AGPAT4: variants seen among roughly 807,000 people sequenced by gnomAD.
The protein encoded by AGPAT4 is 1-acyl-sn-glycerol-3-phosphate acyltransferase delta.
A neutral mutation model predicts 48.0 loss-of-function variants in AGPAT4; 15 were observed. The observed-to-expected ratio is 0.31, with a 90% CI of 0.21 to 0.48. The LOEUF (loss-of-function observed/expected upper bound fraction) is 0.48. Ranked by LOEUF, AGPAT4 falls within the 20% of genes least tolerant of loss-of-function variation. AGPAT4 has a pLI of 0.99. For missense variants in AGPAT4, 314 were observed against 482.5 expected (o/e 0.65, Z 3.27); for synonymous variants, 178 against 198.7 (o/e 0.90, Z 0.88).
At position 161,149,318 on chromosome 6, in the gene AGPAT4, G is replaced by A. The variant is rs771063067; in HGVS notation, c.665-29C>T. The A allele has an allele frequency of 3.2e-6, 5 of 1,579,976 alleles. No homozygotes were observed. In the East Asian group the frequency reaches 1.1e-4, roughly 35 times the overall value. On this transcript the variant is annotated intron_variant, in intron 5 of 8. Transcript: ENST00000320285. The surrounding 1 kb of genome is among the most constrained non-coding windows in gnomAD (Gnocchi z 6.5). ...TAAAAAATAAAACAAATACAAAGCA[G>A]TATATAGCGTGTGAACCCAATTTTG...
Position 161,210,915 on chromosome 6 carries a change from TA to T in AGPAT4, c.178+21120del, listed in dbSNP as rs1434131950. On this transcript the variant is annotated intron_variant, in intron 2 of 8. Coordinates refer to ENST00000320285, the MANE Select transcript of AGPAT4 (RefSeq NM_020133.3). ...AATTTAGTAAGATTACTGTAACTTC[TA>T]ATCTTGTGGCTTTAGGCAGTCTAGC... 2.6e-5 allele frequency among the ~76,000 whole-genome samples: 4 copies of T among 152,346 alleles called. No individual in the cohort carries two copies. In the East Asian group the frequency reaches 7.7e-4, roughly 29 times the overall value.
In AGPAT4 at chr6:161,146,860, A is replaced by G. The variant is rs1779447348; in HGVS notation, c.768-261T>C. Reference sequence around the variant, plus strand: ...GACAGATGCTGTGAGAACAGGGGACACCTGCCTCATTCCGTCTTCCCTCCC... The same window carrying G: ...GACAGATGCTGTGAGAACAGGGGACGCCTGCCTCATTCCGTCTTCCCTCCC... On this transcript the variant is annotated intron_variant, in intron 6 of 8. Coordinates refer to ENST00000320285, the MANE Select transcript of AGPAT4 (RefSeq NM_020133.3). The surrounding 1 kb of genome is among the most constrained non-coding windows in gnomAD (Gnocchi z 7.1). Among the ~76,000 whole-genome samples, 1 of 152,148 alleles carries G rather than the reference A, an allele frequency of 6.6e-6. No individual in the cohort carries two copies. The highest frequency in any genetic ancestry group is 2.4e-5 in the African/African-American group (1 of 41,438).
chr6:161,173,334 T>C (rs1780334347), intron 2 of AGPAT4, among the ~76,000 whole-genome samples: 1 of 152,248 alleles, frequency 6.6e-6, no homozygotes. Flanking sequence ...ATGATCGCCA[T>C]TCTAACTGAC....
Position 161,226,041 on chromosome 6 carries a change from C to T in AGPAT4, c.178+5995G>A, listed in dbSNP as rs1781972685. 6.6e-6 allele frequency among the ~76,000 whole-genome samples: 1 copy of T among 152,124 alleles called. No homozygotes were observed. The highest frequency in any genetic ancestry group is 1.5e-5 in the Non-Finnish European group (1 of 68,026). ...TCCACCTACAGCCGGTTACTGAACC[C>T]TCTTCTGGGAAGGCGATCACCATCT... On this transcript the variant is annotated intron_variant, in intron 2 of 8. Coordinates refer to ENST00000320285, the MANE Select transcript of AGPAT4 (RefSeq NM_020133.3). This position sits in a 1 kb window ranked among gnomAD's most constrained non-coding sequence, Gnocchi z 6.3.
In AGPAT4 at chr6:161,139,111, G is replaced by T. The variant is rs1017889039; in HGVS notation, c.1042+311C>A. Among the ~76,000 whole-genome samples the T allele has an allele frequency of 6.6e-6, 1 of 152,206 alleles. No individual in the cohort carries two copies. The highest frequency in any genetic ancestry group is 1.9e-4 in the East Asian group (1 of 5,184). On this transcript the variant is annotated intron_variant, in intron 8 of 8. Transcript: ENST00000320285. This position sits in a 1 kb window ranked among gnomAD's most constrained non-coding sequence, Gnocchi z 9.1. Reference sequence around the variant, plus strand: ...GATGCCAATGAGCAGAGCTGTCTGCGGAGGACAGGGAGGGAGCACTCCCAG... The same window carrying T: ...GATGCCAATGAGCAGAGCTGTCTGCTGAGGACAGGGAGGGAGCACTCCCAG...
rs1212967588 is a variant in AGPAT4, at chr6:161,208,887, T to A, written c.178+23149A>T. Among the ~76,000 whole-genome samples the A allele has an allele frequency of 6.6e-6, 1 of 152,130 alleles. No individual in the cohort carries two copies. Among genetic ancestry groups the A allele is most frequent in the African/African-American group, 2.4e-5 (1 of 41,436 alleles). ...CTAACAGGAAAAAAATCATTAATAA[T>A]CAGGTGAAACAATGTAATCAGAACT... On this transcript the variant is annotated intron_variant, in intron 2 of 8. Coordinates refer to ENST00000320285, the MANE Select transcript of AGPAT4 (RefSeq NM_020133.3). The surrounding 1 kb of genome is among the most constrained non-coding windows in gnomAD (Gnocchi z 4.6).
rs1447713709 is a variant in AGPAT4, at chr6:161,259,999, C to T, written c.-90+13939G>A. On this transcript the variant is annotated intron_variant, in intron 1 of 8. Coordinates refer to ENST00000320285, the MANE Select transcript of AGPAT4 (RefSeq NM_020133.3). The surrounding 1 kb of genome is among the most constrained non-coding windows in gnomAD (Gnocchi z 4.9). ...CACCTGGCGCTATACGTGTTTGGGG[C>T]TGGGGAGTCTCTGGAAGTGAACTGC... Among the ~76,000 whole-genome samples, 1 of 152,082 alleles carries T rather than the reference C, an allele frequency of 6.6e-6. No homozygotes were observed. Among genetic ancestry groups the T allele is most frequent in the African/African-American group, 2.4e-5 (1 of 41,434 alleles).
At position 161,234,155 on chromosome 6, in the gene AGPAT4, TC is replaced by T. The variant is rs1782202569; in HGVS notation, c.-89-1854del. Among the ~76,000 whole-genome samples the T allele has an allele frequency of 6.6e-6, 1 of 152,166 alleles. No individual in the cohort carries two copies. Among genetic ancestry groups the T allele is most frequent in the Non-Finnish European group, 1.5e-5 (1 of 68,026 alleles). Reference sequence around the variant, plus strand: ...ACAGCACAGCTTTGAGTGCAGTCACTCCTGGGTCATGCAGGTTGGCTCTGAG... The same window carrying T: ...ACAGCACAGCTTTGAGTGCAGTCACTCTGGGTCATGCAGGTTGGCTCTGAG... On this transcript the variant is annotated intron_variant, in intron 1 of 8. Coordinates refer to ENST00000320285, the MANE Select transcript of AGPAT4 (RefSeq NM_020133.3). The surrounding 1 kb of genome is among the most constrained non-coding windows in gnomAD (Gnocchi z 4.4).
At position 161,198,935 on chromosome 6, in the gene AGPAT4, T is replaced by C. The variant is rs980809802; in HGVS notation, c.179-32518A>G. On this transcript the variant is annotated intron_variant, in intron 2 of 8. Transcript: ENST00000320285. This position sits in a 1 kb window ranked among gnomAD's most constrained non-coding sequence, Gnocchi z 4.3. ...CTCAAATATATGTCAGAATTACTGCTGATATCGATTCCTTTTTTGAAGCCC... is the reference window on the plus strand; with the variant it reads ...CTCAAATATATGTCAGAATTACTGCCGATATCGATTCCTTTTTTGAAGCCC... 3.3e-5 allele frequency among the ~76,000 whole-genome samples: 5 copies of C among 152,194 alleles called. No individual in the cohort carries two copies. Among genetic ancestry groups the C allele is most frequent in the Non-Finnish European group, 7.3e-5 (5 of 68,030 alleles).
chr6:161,162,665 G>A (rs980373923), intron 3 of AGPAT4, among the ~76,000 whole-genome samples: 8 of 152,178 alleles, frequency 5.3e-5, no homozygotes, highest in African/African-American at 1.2e-4. Flanking sequence ...GTCTCATCAC[G>A]CTGCCATGGA....
rs371725250 is a variant in AGPAT4 at position 161,257,313 on chromosome 6, A to T, written c.-90+16625T>A. 3.3e-5 allele frequency among the ~76,000 whole-genome samples: 5 copies of T among 152,344 alleles called. No homozygotes were observed. In the East Asian group the frequency reaches 7.7e-4, roughly 23 times the overall value. ...CTCAAGCATATTATGCTAAATGAAC[A>T]GAGCCAGACACAGAACAATACATAG... On this transcript the variant is annotated intron_variant, in intron 1 of 8. Coordinates refer to ENST00000320285, the MANE Select transcript of AGPAT4 (RefSeq NM_020133.3).
At position 161,133,205 on chromosome 6, in the gene AGPAT4, C is replaced by T. The variant is rs927697086; in HGVS notation, c.*3335G>A. 6.6e-6 allele frequency: 1 copy of T among 152,240 alleles called. No homozygotes were observed. Among genetic ancestry groups the T allele is most frequent in the Non-Finnish European group, 1.5e-5 (1 of 68,060 alleles). The allele number at this position is 152,240 out of a possible 1,614,324, so 9.4% of individuals were successfully genotyped here. On this transcript the variant is annotated 3_prime_UTR_variant, in exon 9 of 9. Transcript: ENST00000320285. ...TTTTGCTTGGGGACCAGCCAGACCACTCCTCCACTCCAGTGGGGCCTTTTT... is the reference window on the plus strand; with the variant it reads ...TTTTGCTTGGGGACCAGCCAGACCATTCCTCCACTCCAGTGGGGCCTTTTT...
At chr6:161,250,615 A>G (rs956712917) in intron 1 of AGPAT4, among the ~76,000 whole-genome samples, 62 of 152,042 alleles carry the variant, frequency 4.1e-4, no homozygotes, top group African/African-American at 1.5e-3. Flanking sequence ...ATTTCTTTGC[A>G]ATATATTCCC....
rs1249488242 is a variant in AGPAT4 at position 161,270,862 on chromosome 6, G to T, written c.-90+3076C>A. ...CAGAATAAAGGAGACTGCACAAAAC[G>T]TGTGACATTTACCAAACCCTCATTT... On this transcript the variant is annotated intron_variant, in intron 1 of 8. Transcript: ENST00000320285. This position sits in a 1 kb window ranked among gnomAD's most constrained non-coding sequence, Gnocchi z 5.3. 6.6e-6 allele frequency among the ~76,000 whole-genome samples: 1 copy of T among 152,106 alleles called. No individual in the cohort carries two copies. The highest frequency in any genetic ancestry group is 1.5e-5 in the Non-Finnish European group (1 of 68,024).
At position 161,212,021 on chromosome 6, in the gene AGPAT4, T is replaced by C. The variant is rs1781535214; in HGVS notation, c.178+20015A>G. The stretch of plus-strand genomic sequence containing the variant: ...AGATAAAATAAGTTCAGTTTCTCTA[T>C]AAATTAATCATTAATGTTGAAGGGC... On this transcript the variant is annotated intron_variant, in intron 2 of 8. Transcript: ENST00000320285. This position sits in a 1 kb window ranked among gnomAD's most constrained non-coding sequence, Gnocchi z 6.1. Among the ~76,000 whole-genome samples the C allele has an allele frequency of 6.6e-6, 1 of 152,200 alleles. No individual in the cohort carries two copies. Among genetic ancestry groups the C allele is most frequent in the Admixed American group, 6.5e-5 (1 of 15,278 alleles).
In AGPAT4 at chr6:161,154,160, C is replaced by T. The variant is rs1042564205; in HGVS notation, c.499G>A (p.Glu167Lys). 2.0e-5 allele frequency: 33 copies of T among 1,614,100 alleles called. No homozygotes were observed. Among genetic ancestry groups the T allele is most frequent in the Non-Finnish European group, 2.7e-5 (32 of 1,180,028 alleles). Residue 167 changes from glutamate to lysine, a missense_variant, in exon 4 of 9, where the codon GAG (glutamate) becomes AAG (lysine). Physicochemically the swap from Glu to Lys is moderately conservative, Grantham distance 56. Transcript: ENST00000320285. This position sits in a 1 kb window ranked among gnomAD's most constrained non-coding sequence, Gnocchi z 7.8. Reference protein sequence around the residue: ...TSLQHLRDYPEKYFFLIHCEG... With the variant: ...TSLQHLRDYPKKYFFLIHCEG... Reference sequence around the variant, plus strand: ...TGGTGCCTACATACAAAATACTTCTCGGGGTAGTCCCGGAGGTGCTGCAAA... The same window carrying T: ...TGGTGCCTACATACAAAATACTTCTTGGGGTAGTCCCGGAGGTGCTGCAAA...
In AGPAT4 at chr6:161,133,979, G is replaced by A. The variant is rs1261404563; in HGVS notation, c.*2561C>T. On this transcript the variant is annotated 3_prime_UTR_variant, in exon 9 of 9. Coordinates refer to ENST00000320285, the MANE Select transcript of AGPAT4 (RefSeq NM_020133.3). ...TGACCTCCGTGTGACCTGAACATGG[G>A]TGAAGGTATTTGAGGAGGCGTGATG... The A allele has an allele frequency of 6.6e-6, 1 of 152,238 alleles. No homozygotes were observed. Among genetic ancestry groups the A allele is most frequent in the Non-Finnish European group, 1.5e-5 (1 of 68,078 alleles). 9.4% of individuals were successfully genotyped at this position (152,238 alleles called of 1,614,324 possible). A position where few individuals can be genotyped will look rare whatever the true frequency, so the allele number is the denominator to read the frequency against.
At chr6:161,194,527 T>C in intron 2 of AGPAT4, among the ~76,000 whole-genome samples, 1 of 151,812 alleles carries the variant, frequency 6.6e-6, no homozygotes, top group Non-Finnish European at 1.5e-5. Flanking sequence ...TGTGTGTGTC[T>C]GTGTGTCTAT....
rs1781807476 is a variant in AGPAT4, at chr6:161,220,594, G to A, written c.178+11442C>T. Among the ~76,000 whole-genome samples, 3 of 152,160 alleles carry A rather than the reference G, an allele frequency of 2.0e-5. No homozygotes were observed. On this transcript the variant is annotated intron_variant, in intron 2 of 8. Transcript: ENST00000320285. This position sits in a 1 kb window ranked among gnomAD's most constrained non-coding sequence, Gnocchi z 6.0. ...TTTTGGCCAAACAAAGACGCTGCCA[G>A]TAAGACAGAACCGAATATTGCAAAA... is the stretch of plus-strand genomic sequence containing the variant.
Sources: allele counts gnomAD v4.1 joint callset (sites outside exome capture counted in the v4.1 genomes callset), GRCh38; gene constraint gnomAD v4.1.1; non-coding constraint Gnocchi (gnomAD v3.1); transcripts MANE v1.5; gene names NCBI Gene and HGNC (gene_info 2026-07-23, HGNC 2026-07-21).